The following WDR72 variants were observed in gnomAD, a reference collection of about 807,000 sequenced individuals.
WDR72 encodes the protein WD repeat-containing protein 72.
A neutral mutation model predicts 124.2 loss-of-function variants in WDR72; 120 were observed. The observed-to-expected ratio is 0.97, with a 90% CI of 0.83 to 1.12. The LOEUF (loss-of-function observed/expected upper bound fraction) is 1.12, where lower values mean the gene tolerates loss of function less well. Among genes scored for constraint, WDR72 ranks in the 50% most tolerant of loss-of-function variants. The probability of loss-of-function intolerance (pLI) is 0.00; values close to 1 mark genes in which losing one functional copy is unlikely to be tolerated. For missense variants in WDR72, 1,387 were observed against 1,278.8 expected, an observed-to-expected ratio of 1.08 and a Z score of -1.29; for synonymous variants, 452 against 441.7, an observed-to-expected ratio of 1.02 and a Z score of -0.29.
intron 1 of WDR72, among the ~76,000 whole-genome samples, chr15:53,747,505 G>A (rs572863396): frequency 6.6e-6 from 1 of 152,238 alleles, no homozygotes; most frequent in East Asian, 1.9e-4. Flanking sequence ...GAGATCAAAG[G>A]AGGAATTAAA....
At chr15:53,734,479 G>C (rs1478784170) in intron 1 of WDR72, among the ~76,000 whole-genome samples, 1 of 152,064 alleles carries the variant, frequency 6.6e-6, no homozygotes, top group Non-Finnish European at 1.5e-5. Flanking sequence ...ACCTTCTTCT[G>C]CTTCAAACAC....
intron 18 of WDR72, among the ~76,000 whole-genome samples, chr15:53,529,465 C>G (rs1892329991): frequency 6.6e-6 from 1 of 151,870 alleles, no homozygotes; most frequent in Non-Finnish European, 1.5e-5. Context: ...CAACCAACTA[C>G]TGAGTATACA....
intron 18 of WDR72, among the ~76,000 whole-genome samples, chr15:53,595,404 T>G (rs1002357394): frequency 8.5e-5 from 13 of 152,074 alleles, no homozygotes; most frequent in African/African-American, 2.7e-4. Context: ...AGGAACCTCC[T>G]TATGTCTAAG....
intron 18 of WDR72, among the ~76,000 whole-genome samples, chr15:53,547,929 G>T (rs983484547): frequency 2.0e-5 from 3 of 151,196 alleles, no homozygotes; most frequent in African/African-American, 7.3e-5. Flanking sequence ...GTAAATGCTG[G>T]ACAGCAAAAA....
chr15:53,670,396 G>T lies in WDR72; in HGVS notation c.1766-4628C>A, dbSNP rs79116178. The stretch of plus-strand genomic sequence containing the variant: ...CAGATCCCTAGAACCATATTGACAG[G>T]ATTTTCACTTGTACACACTGCTTTC... On this transcript the variant is annotated intron_variant, in intron 13 of 19. Coordinates refer to ENST00000360509, the MANE Select transcript of WDR72 (RefSeq NM_182758.4). Among the ~76,000 whole-genome samples, 15 of 152,232 alleles carry T rather than the reference G, an allele frequency of 9.9e-5. No homozygotes were observed. The East Asian group carries it at 2.9e-3, about 29-fold the overall frequency.
chr15:53,671,888 C>T (rs1413598251), intron 13 of WDR72, among the ~76,000 whole-genome samples: 1 of 149,490 alleles, frequency 6.7e-6, no homozygotes, highest in Non-Finnish European at 1.5e-5. Flanking sequence ...TAAGAAAATG[C>T]ACAGAGAGAG....
chr15:53,706,348 G>GTGTA (rs1158775724), intron 9 of WDR72, among the ~76,000 whole-genome samples: 5 of 57,388 alleles, frequency 8.7e-5, no homozygotes, highest in South Asian at 1.2e-3. Context: ...GTGTGTGTGT[G>GTGTA]TGTATATATA....
chr15:53,689,862 T>C (rs1170273679), intron 13 of WDR72, among the ~76,000 whole-genome samples: 1 of 151,610 alleles, frequency 6.6e-6, no homozygotes, highest in African/African-American at 2.4e-5. Context: ...GTTGCACGTA[T>C]ACACCATGGA....
chr15:53,537,111 A>C (rs1243558314), intron 18 of WDR72, among the ~76,000 whole-genome samples: 2 of 152,202 alleles, frequency 1.3e-5, no homozygotes, highest in Non-Finnish European at 2.9e-5. Flanking sequence ...TATACTGAGC[A>C]TGACAGTCCC....
intron 14 of WDR72, among the ~76,000 whole-genome samples, chr15:53,648,927 A>G (rs2015138523): frequency 6.6e-6 from 1 of 152,060 alleles, no homozygotes; most frequent in South Asian, 2.1e-4. Flanking sequence ...TGAAAACCCA[A>G]AAGAGAGCTT....
At chr15:53,704,786 C>A (rs1455775911) in intron 11 of WDR72, among the ~76,000 whole-genome samples, 3 of 142,028 alleles carry the variant, frequency 2.1e-5, no homozygotes, top group Non-Finnish European at 4.5e-5. Flanking sequence ...CCCGCCTTGG[C>A]CTCCCAAAGT....
chr15:53,602,840 A>T (rs560540715), intron 17 of WDR72, among the ~76,000 whole-genome samples: 4 of 152,254 alleles, frequency 2.6e-5, no homozygotes, highest in Admixed American at 1.3e-4. Context: ...AGGCAGTTAA[A>T]TAAACAGCTT....
chr15:53,715,270 A>G lies in WDR72; in HGVS notation c.437T>C (p.Val146Ala). 6.2e-7 allele frequency: 1 copy of G among 1,614,174 alleles called. No homozygotes were observed. Among genetic ancestry groups the G allele is most frequent in the Non-Finnish European group, 8.5e-7 (1 of 1,180,010 alleles). The change falls in exon 5 of 20, where the codon GTT becomes GCT. Residue 146 changes from valine (V) to alanine (A), a missense_variant. By Grantham distance (64) the Val-to-Ala change is moderately conservative. Coordinates refer to ENST00000360509, the MANE Select transcript of WDR72 (RefSeq NM_182758.4). ...VLIIDAKTLA[V>A]VHSFRSSQFP... ...CTGAGATGATCTAAAACTGTGAACA[A>G]CAGCCAAAGTTTTGGCATCAATTAT...
At position 53,514,828 on chromosome 15, in the gene WDR72, T is replaced by A. The variant is rs940421487; in HGVS notation, c.*2871A>T. 6.6e-6 allele frequency: 1 copy of A among 151,866 alleles called. No individual in the cohort carries two copies. The highest frequency in any genetic ancestry group is 2.4e-5 in the African/African-American group (1 of 41,334). The allele number at this position is 151,866 out of a possible 1,614,324, so 9.4% of individuals were successfully genotyped here. A position where few individuals can be genotyped will look rare whatever the true frequency, so the allele number is the denominator to read the frequency against. ...CAACACAGGGGAGGGAATGAGGCTC[T>A]GACAAGCACAGCAAGCACACACGGC... is the stretch of plus-strand genomic sequence containing the variant. On this transcript the variant is annotated 3_prime_UTR_variant, in exon 20 of 20. Transcript: ENST00000360509.
intron 18 of WDR72, among the ~76,000 whole-genome samples, chr15:53,584,076 A>C (rs1489801511): frequency 6.6e-6 from 1 of 152,052 alleles, no homozygotes; most frequent in African/African-American, 2.4e-5. Context: ...GGAGGTTAAT[A>C]ATGTCTACAT....
intron 18 of WDR72, among the ~76,000 whole-genome samples, chr15:53,536,361 T>C (rs1294076571): frequency 6.6e-6 from 1 of 152,166 alleles, no homozygotes. Context: ...TAAGGTTAAG[T>C]TGTTGAATGG....
At chr15:53,541,659 C>T (rs377149570) in intron 18 of WDR72, among the ~76,000 whole-genome samples, 1 of 149,254 alleles carries the variant, frequency 6.7e-6, no homozygotes, top group Non-Finnish European at 1.5e-5. Context: ...CTTTGACGAG[C>T]TGAGAGAAGA....
chr15:53,714,493 C>T lies in WDR72; in HGVS notation c.532G>A (p.Val178Ile). 6.2e-7 allele frequency: 1 copy of T among 1,613,354 alleles called. No homozygotes were observed. Among genetic ancestry groups the T allele is most frequent in the East Asian group, 2.2e-5 (1 of 44,842 alleles). ...ACTTTGAGCTCACCAGCTACTGATA[C>T]CACCAAGAGAGAATCTTCTGTGAAA... Reference protein sequence around the residue: ...MRIQEDSLLVVSVAGELKVWD... With the variant: ...MRIQEDSLLVISVAGELKVWD... The change falls in exon 6 of 20, where the codon GTA (valine) becomes ATA (isoleucine). Residue 178 changes from valine to isoleucine, a missense_variant. Transcript: ENST00000360509.
intron 14 of WDR72, among the ~76,000 whole-genome samples, chr15:53,654,968 C>A (rs1046480869): frequency 6.6e-6 from 1 of 152,036 alleles, no homozygotes; most frequent in African/African-American, 2.4e-5. Context: ...CAGTGGCTCA[C>A]GCCTGTAATC....
Sources: allele counts gnomAD v4.1 joint callset (sites outside exome capture counted in the v4.1 genomes callset), GRCh38; gene constraint gnomAD v4.1.1; transcripts MANE v1.5; gene names NCBI Gene and HGNC (gene_info 2026-07-23, HGNC 2026-07-21).